The following TMEM117 variants were observed in gnomAD, a reference collection of about 807,000 sequenced individuals.
TMEM117 encodes transmembrane protein 117.
TMEM117 carries 27 observed loss-of-function variants against 52.4 expected under a neutral mutation model. That is an observed-to-expected ratio of 0.51 (90% CI 0.38 to 0.71). The LOEUF (loss-of-function observed/expected upper bound fraction) is 0.71, where lower values mean the gene tolerates loss of function less well. TMEM117 is among the 30% of genes least tolerant of loss of function. The probability of loss-of-function intolerance (pLI) is 0.00; values close to 1 mark genes in which losing one functional copy is unlikely to be tolerated. For missense variants in TMEM117, 556 were observed against 630.5 expected (o/e 0.88, Z 1.26); for synonymous variants, 215 against 206.3 (o/e 1.04, Z -0.36).
intron 3 of TMEM117, among the ~76,000 whole-genome samples, chr12:44,141,947 G>A (rs1311895270): frequency 6.6e-6 from 1 of 152,140 alleles, no homozygotes; most frequent in Non-Finnish European, 1.5e-5. Flanking sequence ...CATCTACTAA[G>A]CTACTTGTGG....
At chr12:43,858,316 C>T (rs891881325) in intron 2 of TMEM117, among the ~76,000 whole-genome samples, 3 of 152,218 alleles carry the variant, frequency 2.0e-5, no homozygotes, top group East Asian at 1.9e-4. Context: ...AACTGGCAGC[C>T]GGTGTGCCTT....
chr12:44,048,632 T>G (rs183990474), intron 3 of TMEM117, among the ~76,000 whole-genome samples: 13 of 152,356 alleles, frequency 8.5e-5, no homozygotes, highest in Admixed American at 8.5e-4. Context: ...AGGCTACAAC[T>G]AAATAAATAG....
chr12:43,904,772 A>G (rs1022765037), intron 2 of TMEM117, among the ~76,000 whole-genome samples: 3 of 152,258 alleles, frequency 2.0e-5, no homozygotes, highest in African/African-American at 7.2e-5. Context: ...TTACATTGTT[A>G]TACCAAGCAG....
At chr12:44,206,665 A>G (rs1204649071) in intron 4 of TMEM117, among the ~76,000 whole-genome samples, 1 of 152,250 alleles carries the variant, frequency 6.6e-6, no homozygotes, top group Non-Finnish European at 1.5e-5. Context: ...CTTTGCAGCA[A>G]CATGGATGCA....
chr12:43,859,103 A>G (rs1049237313), intron 2 of TMEM117, among the ~76,000 whole-genome samples: 1 of 152,152 alleles, frequency 6.6e-6, no homozygotes, highest in Admixed American at 6.5e-5. Context: ...TTTTCAGCCA[A>G]TCTCTGAGCA....
At chr12:44,166,477 A>G (rs759570448) in intron 4 of TMEM117, among the ~76,000 whole-genome samples, 1 of 152,232 alleles carries the variant, frequency 6.6e-6, no homozygotes, top group Non-Finnish European at 1.5e-5. Context: ...ATATGCTAAA[A>G]AACAACTTGA....
the TMEM117 span, among the ~76,000 whole-genome samples, chr12:43,810,860 A>C: frequency 1.1e-4 from 16 of 152,290 alleles, no homozygotes; most frequent in South Asian, 2.7e-3. Context: ...GTTTTTTCAG[A>C]ATAGGCTAGG....
chr12:44,045,663 T>C (rs771936128), intron 3 of TMEM117, among the ~76,000 whole-genome samples: 5 of 152,044 alleles, frequency 3.3e-5, no homozygotes, highest in Non-Finnish European at 5.9e-5. Flanking sequence ...GCCAACATGG[T>C]GAAACCCTGT....
chr12:44,353,431 T>A (rs1951596471), intron 6 of TMEM117, among the ~76,000 whole-genome samples: 1 of 152,156 alleles, frequency 6.6e-6, no homozygotes, highest in African/African-American at 2.4e-5. Flanking sequence ...TGGTTTTAGG[T>A]CTAACATGTA....
At chr12:43,842,437 G>A (rs1376133689) in intron 1 of TMEM117, among the ~76,000 whole-genome samples, 1 of 151,954 alleles carries the variant, frequency 6.6e-6, no homozygotes, top group Non-Finnish European at 1.5e-5. Context: ...CTATTTGCTT[G>A]GCTGAATTCT....
At chr12:43,973,793 A>C (rs1164787622) in intron 3 of TMEM117, among the ~76,000 whole-genome samples, 1 of 152,202 alleles carries the variant, frequency 6.6e-6, no homozygotes, top group Non-Finnish European at 1.5e-5. Flanking sequence ...CTTATTTAGA[A>C]GTCTACTGTC....
At chr12:44,392,667 T>C, downstream of TMEM117, among the ~76,000 whole-genome samples, 2 of 130,702 alleles carry the variant, frequency 1.5e-5, no homozygotes, top group African/African-American at 5.6e-5. Context: ...ATGCTATCCC[T>C]CCCCCCTCCC....
chr12:44,224,134 T>C (rs1949827820), intron 5 of TMEM117, among the ~76,000 whole-genome samples: 1 of 152,076 alleles, frequency 6.6e-6, no homozygotes, highest in Non-Finnish European at 1.5e-5. Flanking sequence ...GCCTTGATTC[T>C]CTTACACACA....
At chr12:43,828,877 G>GTC in the TMEM117 span, among the ~76,000 whole-genome samples, 1 of 151,834 alleles carries the variant, frequency 6.6e-6, no homozygotes, top group Non-Finnish European at 1.5e-5. Context: ...CCTTTTTGCT[G>GTC]TCTTTCTCCC....
In TMEM117 at chr12:44,281,733, G is replaced by C. The variant is rs147427036; in HGVS notation, c.609-17847G>C. Among the ~76,000 whole-genome samples the C allele has an allele frequency of 1.8e-3, 276 of 152,256 alleles. 7 individuals carry two copies. The East Asian group carries it at 0.033, about 18-fold the overall frequency. On this transcript the variant is annotated intron_variant, in intron 5 of 7. Transcript: ENST00000266534. ...AAGCTGAGACAATGTTTGGAGTACT[G>C]TAGGTATCATTTTATTTTCACTACA...
intron 2 of TMEM117, among the ~76,000 whole-genome samples, chr12:43,927,308 A>G (rs1258078128): frequency 3.9e-5 from 6 of 152,006 alleles, no homozygotes; most frequent in Non-Finnish European, 8.8e-5. Context: ...TGTTTTGTCA[A>G]TTTTAAAGCT....
chr12:44,398,010 C>T, the TMEM117 span, among the ~76,000 whole-genome samples: 1 of 152,016 alleles, frequency 6.6e-6, no homozygotes, highest in Non-Finnish European at 1.5e-5. Context: ...TTTTTCTACT[C>T]CACCCTACTC....
In TMEM117 at chr12:44,388,395, G is replaced by A. The variant is rs755477807; in HGVS notation, c.1268G>A (p.Arg423His). 2.2e-5 allele frequency: 35 copies of A among 1,613,220 alleles called. 1 individual carries two copies. The highest frequency in any genetic ancestry group is 2.2e-5 in the East Asian group (1 of 44,846). ...GGACGATTTTTGAAAAATGAGCCAC[G>A]CATGGAGAATCAAGACAAAACTTAC... ...FFGRFLKNEP[R>H]MENQDKTYTR... Residue 423 changes from arginine (R) to histidine (H), a missense_variant, in exon 8 of 8, where the codon CGC (arginine) becomes CAC (histidine). Arg to His is a conservative substitution (Grantham distance 29). This residue lies in a region of TMEM117 where 206 missense variants were observed against 211.1 expected (regional missense o/e 0.98). Coordinates refer to ENST00000266534, the MANE Select transcript of TMEM117 (RefSeq NM_032256.3).
intron 3 of TMEM117, among the ~76,000 whole-genome samples, chr12:43,962,948 A>T (rs1945427351): frequency 6.6e-6 from 1 of 151,664 alleles, no homozygotes; most frequent in South Asian, 2.1e-4. Context: ...AAAAAAAAAA[A>T]TTAGGAGGAT....
Sources: allele counts gnomAD v4.1 joint callset (sites outside exome capture counted in the v4.1 genomes callset), GRCh38; gene constraint gnomAD v4.1.1; regional missense constraint gnomAD v4.1.1; transcripts MANE v1.5; gene names NCBI Gene and HGNC (gene_info 2026-07-23, HGNC 2026-07-21).